Variants in SPOCK1 observed in about 807,000 individuals in gnomAD.
The protein encoded by SPOCK1 is SPARC (osteonectin), cwcv and kazal like domains proteoglycan 1.
SPOCK1 carries 23 observed loss-of-function variants against 55.3 expected under a neutral mutation model. That is an observed-to-expected ratio of 0.42 (90% CI 0.30 to 0.59). SPOCK1 has a LOEUF of 0.59. Among genes scored for constraint, SPOCK1 ranks in the 20% least tolerant of loss-of-function variants. The pLI is 0.22. For synonymous variants in SPOCK1, 226 were observed against 221.0 expected (o/e 1.02, Z -0.20); for missense variants, 499 against 552.5 (o/e 0.90, Z 0.97).
At chr5:137,495,761 C>G (rs1412653050) in intron 2 of SPOCK1, among the ~76,000 whole-genome samples, 1 of 152,224 alleles carries the variant, frequency 6.6e-6, no homozygotes, top group Non-Finnish European at 1.5e-5. Context: ...TGTTCCCAGG[C>G]TCAGGCTTTG....
intron 6 of SPOCK1, among the ~76,000 whole-genome samples, chr5:137,000,713 G>A (rs938617279): frequency 6.6e-6 from 1 of 152,198 alleles, no homozygotes; most frequent in Admixed American, 6.5e-5. Context: ...GCTTAGCACA[G>A]TCATTCTGCC....
At chr5:137,449,912 A>G (rs139050372) in intron 2 of SPOCK1, among the ~76,000 whole-genome samples, 14,513 of 141,890 alleles carry the variant, frequency 0.1, 1,015 homozygotes, top group East Asian at 0.22. Flanking sequence ...AAAAAAAAAA[A>G]AAAAAGAAAG....
At chr5:137,278,808 C>T (rs893970745) in intron 2 of SPOCK1, among the ~76,000 whole-genome samples, 1 of 152,178 alleles carries the variant, frequency 6.6e-6, no homozygotes, top group African/African-American at 2.4e-5. Flanking sequence ...GTACTGATGT[C>T]ATGTGGACAA....
At chr5:137,285,149 C>T (rs561542824) in intron 2 of SPOCK1, among the ~76,000 whole-genome samples, 7 of 152,324 alleles carry the variant, frequency 4.6e-5, no homozygotes, top group South Asian at 2.1e-4. Context: ...GACACACACA[C>T]GTTAAGAAAC....
chr5:137,333,449 G>A (rs902843147), intron 2 of SPOCK1, among the ~76,000 whole-genome samples: 7 of 152,194 alleles, frequency 4.6e-5, no homozygotes, highest in African/African-American at 1.7e-4. Flanking sequence ...TCCCCAGGTT[G>A]AGACCCCCAT....
At chr5:137,005,543 A>G (rs1751231803) in intron 6 of SPOCK1, among the ~76,000 whole-genome samples, 1 of 152,224 alleles carries the variant, frequency 6.6e-6, no homozygotes, top group African/African-American at 2.4e-5. Context: ...AGCAGTATTC[A>G]AGAACTCAGG....
At chr5:137,354,902 G>GTT (rs545909748) in intron 2 of SPOCK1, among the ~76,000 whole-genome samples, 5,088 of 150,920 alleles carry the variant, frequency 0.034, 130 homozygotes, top group East Asian at 0.065. Context: ...TCTAAGTTTT[G>GTT]TTTTTTTTTG....
chr5:137,024,314 A>AGGCGGT (rs71583270), intron 6 of SPOCK1, among the ~76,000 whole-genome samples: 7 of 119,194 alleles, frequency 5.9e-5, no homozygotes, highest in Non-Finnish European at 1.0e-4. Context: ...ACCAGTTTGA[A>AGGCGGT]GGGGGGGGGG....
At chr5:136,978,884 A>C in intron 10 of SPOCK1, 40 bp from the exon 11 acceptor site, 1 of 1,567,948 alleles carries the variant, frequency 6.4e-7, no homozygotes, top group Non-Finnish European at 8.6e-7. Flanking sequence ...GTTTCCACTT[A>C]TACCTCATGA....
At chr5:137,284,346 G>A (rs2056878043) in intron 2 of SPOCK1, among the ~76,000 whole-genome samples, 1 of 152,206 alleles carries the variant, frequency 6.6e-6, no homozygotes, top group Non-Finnish European at 1.5e-5. Flanking sequence ...ACAGGTATTG[G>A]TTGAATCAAA....
rs535217763 is a variant in SPOCK1, at chr5:137,498,659, C to G, written c.1-101G>C. The G allele has an allele frequency of 4.6e-5, 48 of 1,041,108 alleles. 1 individual carries two copies. In the African/African-American group the frequency reaches 7.9e-4, roughly 17 times the overall value. The allele number at this position is 1,041,108 out of a possible 1,614,324, so 64.5% of individuals were successfully genotyped here. A position where few individuals can be genotyped will look rare whatever the true frequency, so the allele number is the denominator to read the frequency against. On this transcript the variant is annotated intron_variant, in intron 1 of 10. Transcript: ENST00000394945. The stretch of plus-strand genomic sequence containing the variant: ...CGCCCCAGCCCGGAGGCGGGGACCC[C>G]GCGGCGGGCACGGGCAGCGCTCGCG...
intron 2 of SPOCK1, among the ~76,000 whole-genome samples, chr5:137,434,741 T>A (rs1407860213): frequency 2.0e-5 from 3 of 152,144 alleles, no homozygotes; most frequent in Admixed American, 6.5e-5. Flanking sequence ...GACCTCGTGA[T>A]CTGCCCGCCT....
intron 5 of SPOCK1, among the ~76,000 whole-genome samples, chr5:137,096,808 C>T (rs1183000727): frequency 6.6e-6 from 1 of 152,066 alleles, no homozygotes; most frequent in Non-Finnish European, 1.5e-5. Context: ...TGAACCCAAC[C>T]CCTCCCAGGT....
intron 2 of SPOCK1, among the ~76,000 whole-genome samples, chr5:137,456,606 A>G (rs752522383): frequency 4.6e-5 from 7 of 152,184 alleles, no homozygotes; most frequent in Non-Finnish European, 8.8e-5. Context: ...AAACGATATT[A>G]TGTTCTGTCA....
At chr5:137,403,883 C>T (rs1251870907) in intron 2 of SPOCK1, among the ~76,000 whole-genome samples, 1 of 152,018 alleles carries the variant, frequency 6.6e-6, no homozygotes, top group African/African-American at 2.4e-5. Context: ...AATGGGGGCC[C>T]ATAGCAAGGT....
chr5:137,411,459 T>C (rs1033495963), intron 2 of SPOCK1, among the ~76,000 whole-genome samples: 3 of 152,156 alleles, frequency 2.0e-5, no homozygotes, highest in Non-Finnish European at 2.9e-5. Flanking sequence ...ATGTTGAGTT[T>C]GGGCATCACT....
intron 2 of SPOCK1, among the ~76,000 whole-genome samples, chr5:137,431,081 CA>C (rs1752734258): frequency 6.6e-6 from 1 of 152,220 alleles, no homozygotes; most frequent in Non-Finnish European, 1.5e-5. Context: ...AAACAGGAAG[CA>C]ATGAGGGAGC....
At position 137,041,978 on chromosome 5, in the gene SPOCK1, G is replaced by A. The variant is rs144959448; in HGVS notation, c.589+25737C>T. On this transcript the variant is annotated intron_variant, in intron 6 of 10. Coordinates refer to ENST00000394945, the MANE Select transcript of SPOCK1 (RefSeq NM_004598.4). Reference sequence around the variant, plus strand: ...TTACCCAACTGATTTGAAAAATTATGGTAACACAAAAAGTTGAACTCAAAT... The same window carrying A: ...TTACCCAACTGATTTGAAAAATTATAGTAACACAAAAAGTTGAACTCAAAT... Among the ~76,000 whole-genome samples, 102 of 152,196 alleles carry A rather than the reference G, an allele frequency of 6.7e-4. No homozygotes were observed. In the East Asian group the frequency reaches 0.012, roughly 18 times the overall value.
Position 137,349,961 on chromosome 5 carries a change from T to A in SPOCK1, c.187-82906A>T, listed in dbSNP as rs78458617. ...TTTTGGGAGGATACAATTCAAGCCA[T>A]AGCGTGGAGGGAAGGGGGATGTTAA... On this transcript the variant is annotated intron_variant, in intron 2 of 10. Transcript: ENST00000394945. Among the ~76,000 whole-genome samples, 589 of 152,238 alleles carry A rather than the reference T, an allele frequency of 3.9e-3. 4 individuals carry two copies. Among genetic ancestry groups the A allele is most frequent in the South Asian group, 6.2e-3 (30 of 4,824 alleles).
Sources: gnomAD v4.1 joint callset for allele counts (sites outside exome capture counted in the v4.1 genomes callset) on GRCh38, gnomAD v4.1.1 for gene constraint, MANE v1.5 for transcripts, NCBI Gene and HGNC (gene_info 2026-07-23, HGNC 2026-07-21) for gene names.